ELOVL4: variants seen among roughly 807,000 people sequenced by gnomAD.
ELOVL4 encodes ELOVL fatty acid elongase 4.
Under a neutral mutation model 42.1 loss-of-function variants are expected in ELOVL4, and 18 were observed. The ratio of observed to expected loss-of-function variants is 0.43; its 90% CI spans 0.30 to 0.63. ELOVL4 has a LOEUF of 0.63. Among genes scored for constraint, ELOVL4 ranks in the 30% least tolerant of loss-of-function variants. The pLI is 0.15. For missense variants in ELOVL4, 299 were observed against 376.2 expected, an observed-to-expected ratio of 0.79 and a Z score of 1.70; for synonymous variants, 117 against 127.0, an observed-to-expected ratio of 0.92 and a Z score of 0.53.
chr6:79,944,059 C>A (rs1227938196), intron 1 of ELOVL4, among the ~76,000 whole-genome samples: 1 of 152,142 alleles, frequency 6.6e-6, no homozygotes, highest in Non-Finnish European at 1.5e-5. Context: ...CAGGAGACAC[C>A]TGGCTTTACC....
chr6:79,928,362 T>C (rs1774380060), intron 1 of ELOVL4, among the ~76,000 whole-genome samples: 1 of 152,102 alleles, frequency 6.6e-6, no homozygotes, highest in African/African-American at 2.4e-5. Flanking sequence ...ACATCATAGA[T>C]TATCTCTCAC....
chr6:79,926,160 T>C (rs981302244), intron 2 of ELOVL4, 34 bp downstream of exon 2: 29 of 1,579,556 alleles, frequency 1.8e-5, no homozygotes, highest in Non-Finnish European at 2.3e-5. Flanking sequence ...TCCAATAACC[T>C]TGGAAAATTA....
chr6:79,939,377 T>C (rs1774601732), intron 1 of ELOVL4, among the ~76,000 whole-genome samples: 1 of 152,136 alleles, frequency 6.6e-6, no homozygotes, highest in Non-Finnish European at 1.5e-5. Flanking sequence ...CACATTGTTG[T>C]GACTCTCTGG....
At chr6:79,935,501 G>A (rs1198453271) in intron 1 of ELOVL4, among the ~76,000 whole-genome samples, 1 of 152,138 alleles carries the variant, frequency 6.6e-6, no homozygotes, top group Non-Finnish European at 1.5e-5. Flanking sequence ...GCTTGATACA[G>A]GGAGAGGGAC....
chr6:79,920,107 A>G (rs1774227407), intron 4 of ELOVL4, among the ~76,000 whole-genome samples: 1 of 152,230 alleles, frequency 6.6e-6, no homozygotes, highest in Non-Finnish European at 1.5e-5. Context: ...TTTGTCATAA[A>G]GTGATCTAAG....
intron 1 of ELOVL4, among the ~76,000 whole-genome samples, chr6:79,938,387 G>C (rs1162953366): frequency 6.6e-6 from 1 of 152,140 alleles, no homozygotes; most frequent in African/African-American, 2.4e-5. Flanking sequence ...GAGTTAATGG[G>C]AACTTTAGCC....
Position 79,947,374 on chromosome 6 carries a change from G to T in ELOVL4, c.-95C>A. The T allele has an allele frequency of 1.1e-6, 1 of 947,544 alleles. No individual in the cohort carries two copies. The highest frequency in any genetic ancestry group is 1.6e-6 in the Non-Finnish European group (1 of 608,296). The allele number at this position is 947,544 out of a possible 1,614,324, so 58.7% of individuals were successfully genotyped here. A position where few individuals can be genotyped will look rare whatever the true frequency, so the allele number is the denominator to read the frequency against. On this transcript the variant is annotated 5_prime_UTR_variant, in exon 1 of 6. Transcript: ENST00000369816. ...GTGGCGGCCGACGGGGCGAGCGGCG[G>T]CCGGGAACCCCTCTAACGGCGGCGG...
chr6:79,940,553 T>C (rs1201865025), intron 1 of ELOVL4, among the ~76,000 whole-genome samples: 1 of 152,172 alleles, frequency 6.6e-6, no homozygotes, highest in Non-Finnish European at 1.5e-5. Flanking sequence ...TTTGTAATGA[T>C]GTATGTTAAA....
Position 79,916,305 on chromosome 6 carries a change from A to G in ELOVL4, c.*303T>C, listed in dbSNP as rs1774159278. The G allele has an allele frequency of 2.9e-6, 1 of 345,236 alleles. No individual in the cohort carries two copies. Among genetic ancestry groups the G allele is most frequent in the Non-Finnish European group, 5.3e-6 (1 of 187,128 alleles). The allele number at this position is 345,236 out of a possible 1,614,324, so 21.4% of individuals were successfully genotyped here. On this transcript the variant is annotated 3_prime_UTR_variant, in exon 6 of 6. Transcript: ENST00000369816. ...ATGAGTGACTATAAGATACATGAAAAATCTCATCCTTTAGACAACTGGATG... is the reference window on the plus strand; with the variant it reads ...ATGAGTGACTATAAGATACATGAAAGATCTCATCCTTTAGACAACTGGATG...
chr6:79,925,295 A>C (rs185975182), intron 2 of ELOVL4, among the ~76,000 whole-genome samples: 1 of 152,314 alleles, frequency 6.6e-6, no homozygotes, highest in Non-Finnish European at 1.5e-5. Flanking sequence ...TCACAGTATT[A>C]AGAGAAATTT....
intron 1 of ELOVL4, among the ~76,000 whole-genome samples, chr6:79,929,837 CT>C (rs1227877039): frequency 6.6e-6 from 1 of 152,162 alleles, no homozygotes; most frequent in Non-Finnish European, 1.5e-5. Flanking sequence ...CAGTGACCTT[CT>C]TTTAAACTGT....
Position 79,921,664 on chromosome 6 carries a change from A to G in ELOVL4, c.502T>C (p.Leu168=), listed in dbSNP as rs886061802. The change falls in exon 4 of 6, where the codon TTG becomes CTG. Residue 168 remains leucine (L), a synonymous_variant. Transcript: ENST00000369816. ...ACCCACTTAATTCCAATCCACCACAAGGTAAACATCGTACAGTGATGATAC... is the reference window on the plus strand; with the variant it reads ...ACCCACTTAATTCCAATCCACCACAGGGTAAACATCGTACAGTGATGATAC... ...HVYHHCTMFT[L]WWIGIKWVAG... 3 of 1,614,030 alleles carry G rather than the reference A, an allele frequency of 1.9e-6. No individual in the cohort carries two copies. The highest frequency in any genetic ancestry group is 2.5e-6 in the Non-Finnish European group (3 of 1,179,996).
intron 1 of ELOVL4, among the ~76,000 whole-genome samples, chr6:79,932,258 G>A (rs1774457844): frequency 6.6e-6 from 1 of 151,896 alleles, no homozygotes; most frequent in South Asian, 2.1e-4. Flanking sequence ...AAAAATGAGG[G>A]GGCCGGGTGC....
intron 1 of ELOVL4, among the ~76,000 whole-genome samples, chr6:79,934,507 T>G (rs911803471): frequency 1.3e-5 from 2 of 152,198 alleles, no homozygotes; most frequent in Admixed American, 6.5e-5. Flanking sequence ...TCCCTTCTGC[T>G]GCAGCCTATT....
Position 79,919,488 on chromosome 6 carries a change from A to AC in ELOVL4, c.600dup (p.Leu201ValfsTer40). 5.0e-6 allele frequency: 8 copies of AC among 1,613,654 alleles called. No homozygotes were observed. The highest frequency in any genetic ancestry group is 6.8e-6 in the Non-Finnish European group (8 of 1,179,696). ...TGAATCCATGGGCCAAATGCAGTTAACCCATAGTATGAGTACATAATCACA... is the reference window on the plus strand; with the variant it reads ...TGAATCCATGGGCCAAATGCAGTTAACCCCATAGTATGAGTACATAATCACA... On this transcript the variant is annotated frameshift_variant, in exon 5 of 6. Coordinates refer to ENST00000369816, the MANE Select transcript of ELOVL4 (RefSeq NM_022726.4). LOFTEE classifies it high-confidence loss of function.
chr6:79,941,819 A>G (rs905414082), intron 1 of ELOVL4, among the ~76,000 whole-genome samples: 4 of 152,246 alleles, frequency 2.6e-5, no homozygotes, highest in Admixed American at 1.3e-4. Flanking sequence ...CTCCTGATAC[A>G]TATCATATCA....
intron 1 of ELOVL4, 54 bp from the exon 2 acceptor site, chr6:79,926,435 A>C (rs1170147647): frequency 6.5e-7 from 1 of 1,536,996 alleles, no homozygotes; most frequent in African/African-American, 1.4e-5. Context: ...TGTTTTATAA[A>C]ATACACTTTT....
At chr6:79,934,740 G>A (rs1774514522) in intron 1 of ELOVL4, among the ~76,000 whole-genome samples, 1 of 152,172 alleles carries the variant, frequency 6.6e-6, no homozygotes, top group South Asian at 2.1e-4. Context: ...TGGCCTTATA[G>A]ATGATAGTAG....
At position 79,936,017 on chromosome 6, in the gene ELOVL4, G is replaced by T. The variant is rs116143502; in HGVS notation, c.101-9636C>A. On this transcript the variant is annotated intron_variant, in intron 1 of 5. Coordinates refer to ENST00000369816, the MANE Select transcript of ELOVL4 (RefSeq NM_022726.4). The stretch of plus-strand genomic sequence containing the variant: ...GACTTTACACATTAAAGTCTAAGGA[G>T]CACTGCTCTGGTCTACTCAGAAATG... Among the ~76,000 whole-genome samples, 869 of 152,220 alleles carry T rather than the reference G, an allele frequency of 5.7e-3. 8 individuals carry two copies. The highest frequency in any genetic ancestry group is 0.02 in the African/African-American group (818 of 41,540).
Sources: allele counts gnomAD v4.1 joint callset (sites outside exome capture counted in the v4.1 genomes callset), GRCh38; gene constraint gnomAD v4.1.1; transcripts MANE v1.5; gene names NCBI Gene and HGNC (gene_info 2026-07-23, HGNC 2026-07-21).